Variants in HLCS observed in about 807,000 individuals in gnomAD.
HLCS encodes biotin--protein ligase.
In HLCS, 53 loss-of-function variants were observed where a neutral mutation model predicts 75.0. The observed-to-expected ratio is 0.71, with a 90% CI of 0.57 to 0.89. The LOEUF is 0.89. Ranked by LOEUF, HLCS falls within the 40% of genes least tolerant of loss-of-function variation. The pLI, the probability that HLCS is intolerant of heterozygous loss-of-function variation, is 0.00. For synonymous variants in HLCS, 431 were observed against 428.6 expected (o/e 1.01, Z -0.07); for missense variants, 966 against 1,074.0 (o/e 0.90, Z 1.41).
chr21:36,764,377 C>T (rs1319408299), intron 8 of HLCS, among the ~76,000 whole-genome samples: 1 of 151,348 alleles, frequency 6.6e-6, no homozygotes, highest in Non-Finnish European at 1.5e-5. Context: ...AGCTTGGTGA[C>T]AAAGTGAGAC....
intron 1 of HLCS, among the ~76,000 whole-genome samples, chr21:36,978,998 G>A (rs1318950940): frequency 6.6e-6 from 1 of 152,190 alleles, no homozygotes; most frequent in East Asian, 1.9e-4. Context: ...GGCCAGGTGC[G>A]GTGGCTCACG....
At chr21:36,820,778 C>T (rs2061815010) in intron 6 of HLCS, among the ~76,000 whole-genome samples, 1 of 152,250 alleles carries the variant, frequency 6.6e-6, no homozygotes, top group African/African-American at 2.4e-5. Context: ...TGGGACGTCC[C>T]TGGTGAAGCT....
rs552565586 is a variant in HLCS, at chr21:36,885,765, C to T, written c.1892+11095G>A. Among the ~76,000 whole-genome samples the T allele has an allele frequency of 3.3e-5, 5 of 152,246 alleles. No homozygotes were observed. The East Asian group carries it at 7.7e-4, about 24-fold the overall frequency. On this transcript the variant is annotated intron_variant, in intron 6 of 10. Coordinates refer to ENST00000674895, the MANE Select transcript of HLCS (RefSeq NM_001352514.2). ...AGGGCCCCACATCTTCTCTATTCCCCATGGGTCCCAGAGCCTCACACAGGA... is the reference window on the plus strand; with the variant it reads ...AGGGCCCCACATCTTCTCTATTCCCTATGGGTCCCAGAGCCTCACACAGGA...
chr21:36,882,051 A>G (rs2064242646), intron 6 of HLCS, among the ~76,000 whole-genome samples: 1 of 152,004 alleles, frequency 6.6e-6, no homozygotes, highest in South Asian at 2.1e-4. Flanking sequence ...GGGAGGCCGA[A>G]GCGGGCGGAT....
chr21:36,932,155 T>G (rs1267856760), intron 4 of HLCS, among the ~76,000 whole-genome samples: 2 of 152,164 alleles, frequency 1.3e-5, no homozygotes, highest in African/African-American at 4.8e-5. Context: ...AGGTAAATAA[T>G]TATCTTTGTT....
chr21:36,835,385 A>ATTTTATTAG, intron 6 of HLCS, among the ~76,000 whole-genome samples: 1 of 152,248 alleles, frequency 6.6e-6, no homozygotes, highest in African/African-American at 2.4e-5. Flanking sequence ...AAGCCAAATG[A>ATTTTATTAG]CAACTAAAAT....
At chr21:36,761,954 C>T (rs927509998) in intron 8 of HLCS, among the ~76,000 whole-genome samples, 4 of 152,248 alleles carry the variant, frequency 2.6e-5, no homozygotes, top group African/African-American at 9.6e-5. Flanking sequence ...GCCTTCATGG[C>T]TTCAGATCTC....
rs949024699 is a variant in HLCS at position 36,944,936 on chromosome 21, C to T, written c.331-5942G>A. Among the ~76,000 whole-genome samples the T allele has an allele frequency of 3.3e-5, 5 of 151,994 alleles. No individual in the cohort carries two copies. The South Asian group carries it at 8.3e-4, about 25-fold the overall frequency. On this transcript the variant is annotated intron_variant, in intron 2 of 10. Coordinates refer to ENST00000674895, the MANE Select transcript of HLCS (RefSeq NM_001352514.2). Reference sequence around the variant, plus strand: ...AGGAGATCGAGACCATCCTAGTTAACGGTGAAACCCTGTCTCTACTAAAAA... The same window carrying T: ...AGGAGATCGAGACCATCCTAGTTAATGGTGAAACCCTGTCTCTACTAAAAA...
At chr21:36,778,163 G>GT (rs1220663704) in intron 6 of HLCS, among the ~76,000 whole-genome samples, 1 of 151,966 alleles carries the variant, frequency 6.6e-6, no homozygotes, top group East Asian at 1.9e-4. Flanking sequence ...TAGAGATGGG[G>GT]TTTCACCATG....
intron 6 of HLCS, among the ~76,000 whole-genome samples, chr21:36,832,531 T>A (rs1369344617): frequency 6.6e-6 from 1 of 152,222 alleles, no homozygotes; most frequent in Non-Finnish European, 1.5e-5. Context: ...CAGACACAGT[T>A]CTGTTCACTT....
intron 4 of HLCS, among the ~76,000 whole-genome samples, chr21:36,934,293 A>G (rs1244234046): frequency 6.6e-6 from 1 of 152,222 alleles, no homozygotes; most frequent in Admixed American, 6.5e-5. Context: ...ACTGGCATCC[A>G]GTGGGGAGAG....
chr21:36,925,897 CTATAAAA>C (rs1374742066), intron 5 of HLCS, among the ~76,000 whole-genome samples: 6 of 152,224 alleles, frequency 3.9e-5, no homozygotes, highest in Non-Finnish European at 5.9e-5. Context: ...TAAAATGTTT[CTATAAAA>C]TATAAAAGAA....
chr21:36,952,200 C>A, intron 2 of HLCS, among the ~76,000 whole-genome samples: 1 of 152,268 alleles, frequency 6.6e-6, no homozygotes, highest in East Asian at 1.9e-4. Flanking sequence ...CATACACACA[C>A]AGATTCATAA....
At chr21:36,843,999 C>T (rs2062708871) in intron 6 of HLCS, among the ~76,000 whole-genome samples, 1 of 152,202 alleles carries the variant, frequency 6.6e-6, no homozygotes, top group African/African-American at 2.4e-5. Flanking sequence ...CAGAGCAAGA[C>T]ACTGTCTCTG....
At chr21:36,938,694 T>C in intron 3 of HLCS, 138 bp downstream of exon 3, 1 of 814,192 alleles carries the variant, frequency 1.2e-6, no homozygotes, top group East Asian at 2.6e-5. Context: ...TTTTTGGAGA[T>C]AGGGGTCTAT....
intron 2 of HLCS, among the ~76,000 whole-genome samples, chr21:36,953,130 A>C (rs77362696): frequency 6.6e-6 from 1 of 152,302 alleles, no homozygotes; most frequent in African/African-American, 2.4e-5. Flanking sequence ...CTAATTTTTT[A>C]GAGATGAGGT....
intron 6 of HLCS, among the ~76,000 whole-genome samples, chr21:36,771,752 A>T (rs1040032990): frequency 1.3e-5 from 2 of 152,130 alleles, no homozygotes; most frequent in African/African-American, 4.8e-5. Context: ...TAATCCCAGC[A>T]CTTTGGGAGG....
At chr21:36,895,671 A>G (rs2064984561) in intron 6 of HLCS, among the ~76,000 whole-genome samples, 1 of 152,226 alleles carries the variant, frequency 6.6e-6, no homozygotes, top group African/African-American at 2.4e-5. Flanking sequence ...TCATCATTTT[A>G]TATCCATATA....
intron 9 of HLCS, among the ~76,000 whole-genome samples, chr21:36,758,057 G>A (rs1264087056): frequency 6.6e-6 from 1 of 151,898 alleles, no homozygotes; most frequent in East Asian, 1.9e-4. Context: ...AAAAGCTATG[G>A]GTTCTCACCA....
Sources: allele counts gnomAD v4.1 joint callset (sites outside exome capture counted in the v4.1 genomes callset), GRCh38; gene constraint gnomAD v4.1.1; transcripts MANE v1.5; gene names NCBI Gene and HGNC (gene_info 2026-07-23, HGNC 2026-07-21).